NRG3: variants seen among roughly 807,000 people sequenced by gnomAD.
NRG3 encodes the protein pro-neuregulin-3, membrane-bound isoform.
Under a neutral mutation model 66.9 loss-of-function variants are expected in NRG3, and 31 were observed. The ratio of observed to expected loss-of-function variants is 0.46; its 90% confidence interval spans 0.35 to 0.63. The LOEUF (loss-of-function observed/expected upper bound fraction) is 0.63. Ranked by LOEUF, NRG3 falls within the 20% of genes least tolerant of loss-of-function variation. The probability of loss-of-function intolerance (pLI) is 0.00; values close to 1 mark genes in which losing one functional copy is unlikely to be tolerated. For synonymous variants in NRG3, 393 were observed against 359.4 expected (o/e 1.09, Z -1.06); for missense variants, 910 against 878.9 (o/e 1.04, Z -0.45).
rs182549380 is a variant in NRG3, at chr10:82,130,273, G to T, written c.824-228466G>T. ...AGTTCTAGGGTACATGTATGTGCAT[G>T]ACGTGCAGGTTTGTTGCATATGTAT... is the stretch of plus-strand genomic sequence containing the variant. On this transcript the variant is annotated intron_variant, in intron 1 of 8. Coordinates refer to ENST00000372141, the MANE Select transcript of NRG3 (RefSeq NM_001010848.4). Among the ~76,000 whole-genome samples, 555 of 151,572 alleles carry T rather than the reference G, an allele frequency of 3.7e-3. 15 individuals are homozygous for T. The highest frequency in any genetic ancestry group is 0.026 in the Admixed American group (398 of 15,176).
chr10:82,290,800 ATT>A (rs11369490), intron 1 of NRG3, among the ~76,000 whole-genome samples: 1 of 141,768 alleles, frequency 7.1e-6, no homozygotes. Context: ...CGCCTGGCTA[ATT>A]TTTTTTTTTT....
At chr10:82,726,062 C>T (rs890281478) in intron 2 of NRG3, among the ~76,000 whole-genome samples, 1 of 152,088 alleles carries the variant, frequency 6.6e-6, no homozygotes, top group Non-Finnish European at 1.5e-5. Flanking sequence ...GGTGAGGACT[C>T]AGCAAGAAGG....
chr10:81,905,883 A>G (rs1844555412), intron 1 of NRG3, among the ~76,000 whole-genome samples: 1 of 152,234 alleles, frequency 6.6e-6, no homozygotes, highest in Non-Finnish European at 1.5e-5. Flanking sequence ...CTCTTGGGCC[A>G]TCTTTATTAG....
At chr10:82,182,752 T>A (rs12220503) in intron 1 of NRG3, among the ~76,000 whole-genome samples, 4,859 of 152,056 alleles carry the variant, frequency 0.032, 233 homozygotes, top group East Asian at 0.14. Context: ...GTTTTCAGTT[T>A]ATCATTTAGC....
intron 1 of NRG3, among the ~76,000 whole-genome samples, chr10:81,887,219 C>T (rs1038163897): frequency 1.3e-5 from 2 of 151,952 alleles, no homozygotes; most frequent in African/African-American, 4.8e-5. Context: ...AAATGCATTT[C>T]CATTTGCTCA....
At chr10:82,097,045 A>T (rs1334826948) in intron 1 of NRG3, among the ~76,000 whole-genome samples, 2 of 152,120 alleles carry the variant, frequency 1.3e-5, no homozygotes, top group Non-Finnish European at 2.9e-5. Flanking sequence ...TAGATACAGA[A>T]CAATTTCCTT....
chr10:82,560,996 T>C (rs146554164), intron 2 of NRG3, among the ~76,000 whole-genome samples: 2,775 of 152,270 alleles, frequency 0.018, 32 homozygotes, highest in Middle Eastern at 0.068. Context: ...GATCTATTTC[T>C]AATATACCAA....
chr10:82,032,113 CT>C (rs775828429), intron 1 of NRG3, among the ~76,000 whole-genome samples: 28,730 of 144,454 alleles, frequency 0.2, 2,812 homozygotes, highest in Middle Eastern at 0.25. Context: ...TTGTTTGATT[CT>C]TTTTTTTTTT....
At chr10:82,901,129 A>C (rs1410195439) in intron 4 of NRG3, among the ~76,000 whole-genome samples, 1 of 152,178 alleles carries the variant, frequency 6.6e-6, no homozygotes, top group Non-Finnish European at 1.5e-5. Context: ...AATGAATAGA[A>C]TGTTTTTCAT....
intron 2 of NRG3, among the ~76,000 whole-genome samples, chr10:82,539,246 GT>G (rs1171011213): frequency 6.6e-6 from 1 of 152,132 alleles, no homozygotes; most frequent in Non-Finnish European, 1.5e-5. Context: ...CATGATAAGG[GT>G]TTTGTGCAAT....
intron 2 of NRG3, among the ~76,000 whole-genome samples, chr10:82,618,574 C>T (rs888033045): frequency 1.3e-5 from 2 of 152,032 alleles, no homozygotes; most frequent in African/African-American, 4.8e-5. Context: ...GTGCATTTCT[C>T]AGCTCAAAAA....
chr10:82,657,903 A>AG (rs540619466), intron 2 of NRG3, among the ~76,000 whole-genome samples: 3 of 66,658 alleles, frequency 4.5e-5, no homozygotes, highest in Non-Finnish European at 9.9e-5. Context: ...ACACATACAC[A>AG]GAAAAAAAAA....
chr10:82,856,497 C>T (rs2063807779), intron 3 of NRG3, among the ~76,000 whole-genome samples: 1 of 151,976 alleles, frequency 6.6e-6, no homozygotes, highest in Admixed American at 6.5e-5. Context: ...GTAATCCCAG[C>T]ACTTTGGGAG....
At chr10:81,894,735 G>A (rs377218239) in intron 1 of NRG3, among the ~76,000 whole-genome samples, 3 of 152,148 alleles carry the variant, frequency 2.0e-5, no homozygotes, top group African/African-American at 4.8e-5. Context: ...CATCCTGAGC[G>A]TTCTGTCCTC....
At chr10:82,282,806 C>A (rs1392398554) in intron 1 of NRG3, among the ~76,000 whole-genome samples, 1 of 152,042 alleles carries the variant, frequency 6.6e-6, no homozygotes, top group Non-Finnish European at 1.5e-5. Context: ...TTTCCACTAG[C>A]ACCTCCACAA....
chr10:82,438,583 C>G (rs190883814), intron 2 of NRG3, among the ~76,000 whole-genome samples: 4 of 152,200 alleles, frequency 2.6e-5, no homozygotes, highest in Admixed American at 1.3e-4. Flanking sequence ...CCCAGGAAGT[C>G]ATTAGGATTA....
intron 4 of NRG3, among the ~76,000 whole-genome samples, chr10:82,893,166 C>T (rs1455172577): frequency 6.6e-6 from 1 of 151,984 alleles, no homozygotes; most frequent in Non-Finnish European, 1.5e-5. Flanking sequence ...ATACTGTTTC[C>T]AGGAACATAT....
At chr10:82,567,608 G>A (rs573394210) in intron 2 of NRG3, among the ~76,000 whole-genome samples, 1 of 152,028 alleles carries the variant, frequency 6.6e-6, no homozygotes, top group Admixed American at 6.6e-5. Flanking sequence ...CAGCTAAGGA[G>A]ATAATATGTG....
chr10:81,961,356 C>A (rs1287528600), intron 1 of NRG3, among the ~76,000 whole-genome samples: 1 of 152,172 alleles, frequency 6.6e-6, no homozygotes, highest in African/African-American at 2.4e-5. Context: ...GCAGCCCACT[C>A]CCCAGTATCA....
Sources: allele counts gnomAD v4.1 joint callset (sites outside exome capture counted in the v4.1 genomes callset), GRCh38; gene constraint gnomAD v4.1.1; transcripts MANE v1.5; gene names NCBI Gene and HGNC (gene_info 2026-07-23, HGNC 2026-07-21).